The following NAAA variants were observed in gnomAD, a reference collection of about 807,000 sequenced individuals.
NAAA encodes N-acylethanolamine acid amidase.
A neutral mutation model predicts 44.8 loss-of-function variants in NAAA; 39 were observed. The observed-to-expected ratio is 0.87, with a 90% CI of 0.67 to 1.14. The LOEUF is 1.14. NAAA is among the 50% of genes most tolerant of loss of function. The pLI, the probability that NAAA is intolerant of heterozygous loss-of-function variation, is 0.00. For synonymous variants in NAAA, 178 were observed against 191.3 expected (o/e 0.93, Z 0.58); for missense variants, 460 against 467.8 (o/e 0.98, Z 0.15).
At chr4:75,940,644 G>T in intron 1 of NAAA, 100 bp downstream of exon 1, 1 of 1,282,392 alleles carries the variant, frequency 7.8e-7, no homozygotes, top group Non-Finnish European at 1.0e-6. Context: ...GGGTGGCGGG[G>T]AGTAAAGCGT....
chr4:75,911,796 G>A (rs773128025), downstream of NAAA, among the ~76,000 whole-genome samples: 17 of 152,274 alleles, frequency 1.1e-4, no homozygotes, highest in Non-Finnish European at 2.2e-4. Flanking sequence ...TAGAAACTAC[G>A]CCTACATTTA....
chr4:75,933,514 C>T (rs1306995247), intron 3 of NAAA, among the ~76,000 whole-genome samples: 1 of 151,940 alleles, frequency 6.6e-6, no homozygotes, highest in African/African-American at 2.4e-5. Flanking sequence ...TGCGTGACAC[C>T]GTGATCGTCA....
At chr4:75,925,466 C>T (rs1726589133) in intron 5 of NAAA, among the ~76,000 whole-genome samples, 1 of 152,206 alleles carries the variant, frequency 6.6e-6, no homozygotes, top group Non-Finnish European at 1.5e-5. Context: ...TACCCATCAC[C>T]TCTGCACAAA....
At chr4:75,925,606 C>A in intron 5 of NAAA, 129 bp downstream of exon 5, 1 of 831,526 alleles carries the variant, frequency 1.2e-6, no homozygotes, top group Non-Finnish European at 2.0e-6. Flanking sequence ...TTTATATGCA[C>A]TTTGCAGACA....
At chr4:75,928,932 C>T (rs1175391927) in intron 4 of NAAA, among the ~76,000 whole-genome samples, 1 of 151,394 alleles carries the variant, frequency 6.6e-6, no homozygotes, top group African/African-American at 2.4e-5. Flanking sequence ...GGACTACAGG[C>T]ACCCGCCACC....
At chr4:75,911,906 T>C (rs1425857656), downstream of NAAA, among the ~76,000 whole-genome samples, 2 of 152,008 alleles carry the variant, frequency 1.3e-5, no homozygotes, top group African/African-American at 4.8e-5. Flanking sequence ...AGTCTGAGGG[T>C]GGGGTTATTA....
At position 75,925,741 on chromosome 4, in the gene NAAA, G is replaced by C. The variant is rs780753604; in HGVS notation, c.660C>G (p.Ile220Met). 2 of 1,614,160 alleles carry C rather than the reference G, an allele frequency of 1.2e-6. No individual in the cohort carries two copies. Among genetic ancestry groups the C allele is most frequent in the Non-Finnish European group, 1.7e-6 (2 of 1,180,012 alleles). The change falls in exon 5 of 11, where the codon ATC becomes ATG. Residue 220 changes from isoleucine to methionine, a missense_variant. By Grantham distance (10) the Ile-to-Met change is conservative. Coordinates refer to ENST00000286733, the MANE Select transcript of NAAA (RefSeq NM_014435.4). ...CCACATTAAATATACTCACAGCGCG[G>C]ATCAGCCAGCTGACGGGAATGTGTC... is the stretch of plus-strand genomic sequence containing the variant. ...FRRHIPVSWL[I>M]RATLSESENF...
chr4:75,916,155 T>A (rs1036658094), intron 9 of NAAA, among the ~76,000 whole-genome samples: 12 of 152,184 alleles, frequency 7.9e-5, no homozygotes, highest in African/African-American at 2.9e-4. Context: ...GTATTGCAGG[T>A]GGGTGTAATT....
rs138498739 is a variant in NAAA, at chr4:75,917,617, C to T, written c.998+1144G>A. 269 of 222,644 alleles carry T rather than the reference C, an allele frequency of 1.2e-3. 1 individual carries two copies. The highest frequency in any genetic ancestry group is 5.8e-3 in the African/African-American group (247 of 42,956). 13.8% of individuals were successfully genotyped at this position (222,644 alleles called of 1,614,324 possible). On this transcript the variant is annotated intron_variant, in intron 9 of 10. Transcript: ENST00000286733. ...AGTAGCTGTGATAACAGGCGTGCAC[C>T]GTCATGCCTGGTTGATTTTTGTATT...
In NAAA at chr4:75,940,098, G is replaced by T. The variant is rs1728113190; in HGVS notation, c.274C>A (p.Pro92Thr). 12 of 1,614,006 alleles carry T rather than the reference G, an allele frequency of 7.4e-6. No individual in the cohort carries two copies. Among genetic ancestry groups the T allele is most frequent in the Admixed American group, 1.7e-5 (1 of 60,004 alleles). ...CGGATCTCGCCGGTGAAGGGCTGGG[G>T]CAGGAAGCGCTCCAGCTCCAGGACC... ...KVVLELERFL[P>T]QPFTGEIRGM... The change falls in exon 2 of 11, where the codon CCC (proline) becomes ACC (threonine). Residue 92 changes from proline to threonine, a missense_variant. Pro to Thr is a conservative substitution (Grantham distance 38). Transcript: ENST00000286733.
Position 75,914,851 on chromosome 4 carries a change from AAACAGT to A in NAAA, c.*36+11_*36+16del. 3 of 1,594,832 alleles carry A rather than the reference AAACAGT, an allele frequency of 1.9e-6. No homozygotes were observed. Among genetic ancestry groups the A allele is most frequent in the Non-Finnish European group, 2.6e-6 (3 of 1,163,162 alleles). ...ACACCCACCTCACCCCCTCTCCACA[AAACAGT>A]AACAACAAACCTTTCACAGCACGGG... On this transcript the variant is annotated intron_variant, in intron 10 of 10. Coordinates refer to ENST00000286733, the MANE Select transcript of NAAA (RefSeq NM_014435.4).
At chr4:75,933,115 A>G (rs1437627576) in intron 3 of NAAA, among the ~76,000 whole-genome samples, 1 of 143,618 alleles carries the variant, frequency 7.0e-6, no homozygotes, top group African/African-American at 2.6e-5. Flanking sequence ...AGCCTGTGAC[A>G]GAACAAGACT....
intron 4 of NAAA, among the ~76,000 whole-genome samples, chr4:75,927,643 C>CG: frequency 8.2e-6 from 1 of 122,196 alleles, no homozygotes; most frequent in East Asian, 3.4e-4. Context: ...GCCCCCCCCC[C>CG]CCCCGCCAAA....
intron 1 of NAAA, 200 bp from the exon 2 acceptor site, chr4:75,940,365 C>T: frequency 1.8e-6 from 1 of 565,820 alleles, no homozygotes; most frequent in East Asian, 3.0e-5. Flanking sequence ...GGGAAGGCGG[C>T]GGGTAAGAAA....
chr4:75,940,195 C>A, intron 1 of NAAA, 30 bp from the exon 2 acceptor site: 1 of 1,603,724 alleles, frequency 6.2e-7, no homozygotes, highest in Non-Finnish European at 8.5e-7. Flanking sequence ...GGGCGTCTGA[C>A]CCGCTCAGAG....
At chr4:75,918,873 T>C in intron 8 of NAAA, 84 bp from the exon 9 acceptor site, 1 of 1,333,614 alleles carries the variant, frequency 7.5e-7, no homozygotes, top group Non-Finnish European at 1.1e-6. Flanking sequence ...CCGGGTGCAG[T>C]GGCTCAGGCC....
rs1728229779 is a variant in NAAA at position 75,940,895 on chromosome 4, GC to G, written c.54del (p.Leu19CysfsTer20). On this transcript the variant is annotated frameshift_variant, in exon 1 of 11. Transcript: ENST00000286733. LOFTEE classifies it high-confidence loss of function. The stretch of plus-strand genomic sequence containing the variant: ...GCTGACAGCCCGGCCCCGGCCAGCA[GC>G]AGCAGCAGCAGGGACGGAAGCCCCG... Reference protein sequence around the residue: ...ARPGLPSLLLLLLAGAGLSAA... With the variant: ...ARPGLPSLLLXLLAGAGLSAA... 6.5e-7 allele frequency: 1 copy of G among 1,536,928 alleles called. No individual in the cohort carries two copies. Among genetic ancestry groups the G allele is most frequent in the Non-Finnish European group, 8.7e-7 (1 of 1,151,730 alleles).
intron 9 of NAAA, among the ~76,000 whole-genome samples, chr4:75,917,924 G>A (rs900667701): frequency 6.6e-5 from 10 of 152,206 alleles, no homozygotes; most frequent in African/African-American, 2.4e-4. Flanking sequence ...AGTGGAACAA[G>A]GAACAGCTTC....
intron 9 of NAAA, chr4:75,917,155 A>G: frequency 1.1e-6 from 1 of 891,506 alleles, no homozygotes; most frequent in Non-Finnish European, 1.3e-6. Context: ...CCCATTTAAA[A>G]AATGACTATT....
Sources: allele counts gnomAD v4.1 joint callset (sites outside exome capture counted in the v4.1 genomes callset), GRCh38; gene constraint gnomAD v4.1.1; transcripts MANE v1.5; gene names NCBI Gene and HGNC (gene_info 2026-07-23, HGNC 2026-07-21).